Variants in SYBU observed in about 807,000 individuals in gnomAD.
The protein encoded by SYBU is GOLSYN A protein.
In SYBU, 21 loss-of-function variants were observed where a neutral mutation model predicts 35.9. The observed-to-expected ratio is 0.58, with a 90% CI of 0.41 to 0.84. SYBU has a LOEUF of 0.84. SYBU is among the 40% of genes least tolerant of loss of function. The pLI is 0.00. For synonymous variants in SYBU, 319 were observed against 324.3 expected (o/e 0.98, Z 0.18); for missense variants, 768 against 848.2 (o/e 0.91, Z 1.17).
At chr8:109,632,619 CATTT>C (rs1349734307) in intron 2 of SYBU, among the ~76,000 whole-genome samples, 2 of 151,364 alleles carry the variant, frequency 1.3e-5, no homozygotes, top group Non-Finnish European at 2.9e-5. Flanking sequence ...TTTTAGATAA[CATTT>C]ATATCATGGA....
upstream of SYBU, chr8:109,645,262 CGA>C (rs1815532372): frequency 4.4e-6 from 2 of 456,582 alleles, no homozygotes; most frequent in Admixed American, 2.3e-5. Flanking sequence ...CTGCCTCGCC[CGA>C]GAGCTGCAGA....
At chr8:109,637,556 T>A (rs1220930286) in intron 2 of SYBU, among the ~76,000 whole-genome samples, 2 of 152,204 alleles carry the variant, frequency 1.3e-5, no homozygotes, top group Admixed American at 6.5e-5. Flanking sequence ...TAGGTCTCAT[T>A]AAAGTGATAC....
intron 1 of SYBU, among the ~76,000 whole-genome samples, chr8:109,660,702 A>C (rs1390311179): frequency 1.3e-5 from 2 of 152,244 alleles, no homozygotes; most frequent in Non-Finnish European, 2.9e-5. Context: ...ACAATTATAA[A>C]TAAATATTTT....
intron 1 of SYBU, among the ~76,000 whole-genome samples, chr8:109,673,865 T>A (rs557518694): frequency 3.9e-5 from 6 of 152,014 alleles, no homozygotes; most frequent in Non-Finnish European, 8.8e-5. Context: ...GAAAAACACA[T>A]CACAAGAACT....
rs181322201 is a variant in SYBU at position 109,652,698 on chromosome 8, G to A, written c.-129+28013C>T. Among the ~76,000 whole-genome samples, 6 of 152,210 alleles carry A rather than the reference G, an allele frequency of 3.9e-5. No individual in the cohort carries two copies. The East Asian group carries it at 1.2e-3, about 29-fold the overall frequency. On this transcript the variant is annotated intron_variant, in intron 1 of 5. Coordinates refer to the SYBU transcript ENST00000408889. The stretch of plus-strand genomic sequence containing the variant: ...CTGAAACGTAATAAGGGTTAATAAT[G>A]CCTTTATTCTAACTCTCAGGGCAAT...
At chr8:109,673,556 G>C (rs1391548562) in intron 1 of SYBU, among the ~76,000 whole-genome samples, 1 of 152,190 alleles carries the variant, frequency 6.6e-6, no homozygotes, top group Non-Finnish European at 1.5e-5. Context: ...ACCAAAGGTA[G>C]ATAAATCTAC....
intron 1 of SYBU, among the ~76,000 whole-genome samples, chr8:109,662,613 C>T (rs10106568): frequency 0.12 from 18,836 of 152,158 alleles, 3,281 homozygotes; most frequent in African/African-American, 0.39. Flanking sequence ...ATGAATCTAA[C>T]ATTAGTGTAG....
intron 4 of SYBU, among the ~76,000 whole-genome samples, chr8:109,585,261 A>G (rs1049161801): frequency 6.6e-6 from 1 of 152,220 alleles, no homozygotes; most frequent in Non-Finnish European, 1.5e-5. Flanking sequence ...AGTGGCTCCC[A>G]TGTCTCATAG....
chr8:109,578,217 T>C (rs1435964768), intron 5 of SYBU, among the ~76,000 whole-genome samples, 200 bp from the exon 6 acceptor site: 1 of 152,176 alleles, frequency 6.6e-6, no homozygotes, highest in Non-Finnish European at 1.5e-5. Context: ...TAAATGGGAT[T>C]AATGCTCTTA....
In SYBU at chr8:109,659,581, C is replaced by A. The variant is rs778319722; in HGVS notation, c.-129+21130G>T. On this transcript the variant is annotated intron_variant, in intron 1 of 5. Transcript: ENST00000408889. Reference sequence around the variant, plus strand: ...AAGTTTTTCTTTTGTACATAGAGAACAATAAATTTTACTCATCACAACTCC... The same window carrying A: ...AAGTTTTTCTTTTGTACATAGAGAAAAATAAATTTTACTCATCACAACTCC... 2.0e-5 allele frequency among the ~76,000 whole-genome samples: 3 copies of A among 152,226 alleles called. No homozygotes were observed. In the East Asian group the frequency reaches 5.8e-4, roughly 29 times the overall value.
intron 3 of SYBU, among the ~76,000 whole-genome samples, chr8:109,609,273 T>G (rs1021644340): frequency 1.4e-4 from 21 of 152,342 alleles, no homozygotes; most frequent in African/African-American, 4.6e-4. Context: ...CTGAATTGGC[T>G]GCAATCAGTG....
intron 1 of SYBU, among the ~76,000 whole-genome samples, chr8:109,663,390 C>A (rs1816644561): frequency 6.6e-6 from 1 of 152,076 alleles, no homozygotes; most frequent in Non-Finnish European, 1.5e-5. Context: ...AAGATAGTTT[C>A]TGGGTCAGAA....
In SYBU at chr8:109,639,851, C is replaced by T. The variant is rs74504922; in HGVS notation, c.229+2877G>A. 8.1e-3 allele frequency among the ~76,000 whole-genome samples: 1,236 copies of T among 152,256 alleles called. 7 individuals are homozygous for T. Among genetic ancestry groups the T allele is most frequent in the African/African-American group, 0.028 (1,177 of 41,544 alleles). ...CGTTAACACTCCCTGTAGTACCAAA[C>T]CCATTTATTTTCCACCCACCAACCG... On this transcript the variant is annotated intron_variant, in intron 2 of 6. Coordinates refer to ENST00000276646, the MANE Select transcript of SYBU (RefSeq NM_001099754.2).
intron 1 of SYBU, among the ~76,000 whole-genome samples, chr8:109,661,757 TATTATA>T (rs1455844598): frequency 4.6e-5 from 7 of 152,040 alleles, no homozygotes; most frequent in African/African-American, 1.7e-4. Context: ...ACAGTTCTGT[TATTATA>T]GAGATGTGTG....
chr8:109,664,306 G>GGAAGAATGAGCCTGGGATATATA (rs1816680607), intron 1 of SYBU, among the ~76,000 whole-genome samples: 2 of 151,878 alleles, frequency 1.3e-5, no homozygotes, highest in Non-Finnish European at 2.9e-5. Flanking sequence ...TATGAGGTAG[G>GGAAGAATGAGCCTGGGATATATA]GAAGAATGAG....
In SYBU at chr8:109,623,033, A is replaced by G. The variant is rs575179758; in HGVS notation, c.230-3994T>C. On this transcript the variant is annotated intron_variant, in intron 2 of 6. Coordinates refer to ENST00000276646, the MANE Select transcript of SYBU (RefSeq NM_001099754.2). Reference sequence around the variant, plus strand: ...ACATCACAGGAGCGTGCGCGCGCGCACACACACACACACACAAACGCACAC... The same window carrying G: ...ACATCACAGGAGCGTGCGCGCGCGCGCACACACACACACACAAACGCACAC... 6.8e-3 allele frequency among the ~76,000 whole-genome samples: 537 copies of G among 79,414 alleles called. 1 individual carries two copies. Among genetic ancestry groups the G allele is most frequent in the African/African-American group, 0.026 (439 of 16,740 alleles). The allele number at this position is 79,414 out of a possible 152,430, so 52.1% of individuals were successfully genotyped here. A position where few individuals can be genotyped will look rare whatever the true frequency, so the allele number is the denominator to read the frequency against.
At chr8:109,690,496 C>G (rs1817621304) in intron 1 of SYBU, among the ~76,000 whole-genome samples, 1 of 152,218 alleles carries the variant, frequency 6.6e-6, no homozygotes, top group Non-Finnish European at 1.5e-5. Flanking sequence ...TTCTGCTGCA[C>G]AGGCTCTGGG....
At chr8:109,645,488 C>T (rs898159894), upstream of SYBU, 2 of 367,080 alleles carry the variant, frequency 5.4e-6, no homozygotes, top group African/African-American at 4.2e-5. Context: ...TGCAGCTGCC[C>T]GGCTCCAGGA....
intron 2 of SYBU, among the ~76,000 whole-genome samples, chr8:109,622,181 G>GTATCTAACTATC (rs201200550): frequency 9.5e-4 from 139 of 146,478 alleles, no homozygotes; most frequent in African/African-American, 3.2e-3. Context: ...AATAATATGA[G>GTATCTAACTATC]TATCTATCTA....
Sources: gnomAD v4.1 joint callset for allele counts (sites outside exome capture counted in the v4.1 genomes callset) on GRCh38, gnomAD v4.1.1 for gene constraint, MANE v1.5 for transcripts, NCBI Gene and HGNC (gene_info 2026-07-23, HGNC 2026-07-21) for gene names.